SPAG16: variants seen among roughly 807,000 people sequenced by gnomAD.
SPAG16 encodes the protein sperm-associated antigen 16 protein.
In SPAG16, 86 loss-of-function variants were observed where a neutral mutation model predicts 80.4. That is an observed-to-expected ratio of 1.07 (90% CI 0.90 to 1.28). SPAG16 has a LOEUF of 1.28. Among genes scored for constraint, SPAG16 ranks in the 50% most tolerant of loss-of-function variants. SPAG16 has a pLI of 0.00. For synonymous variants in SPAG16, 294 were observed against 265.9 expected, an observed-to-expected ratio of 1.11 and a Z score of -1.03; for missense variants, 870 against 765.3, an observed-to-expected ratio of 1.14 and a Z score of -1.61.
rs918435300 is a variant in SPAG16, at chr2:213,598,637, T to G, written c.1070+108547T>G. ...CTTATGTTTTCTCTGTTGTCTCTAT[T>G]GTAATTTTTGTTCAGTGGAAATTAA... On this transcript the variant is annotated intron_variant, in intron 10 of 15. Coordinates refer to ENST00000331683, the MANE Select transcript of SPAG16 (RefSeq NM_024532.5). Among the ~76,000 whole-genome samples, 4 of 152,328 alleles carry G rather than the reference T, an allele frequency of 2.6e-5. No individual in the cohort carries two copies. The East Asian group carries it at 7.7e-4, about 29-fold the overall frequency.
intron 10 of SPAG16, among the ~76,000 whole-genome samples, chr2:213,641,092 C>CT (rs1473656393): frequency 6.6e-6 from 1 of 152,128 alleles, no homozygotes; most frequent in African/African-American, 2.4e-5. Context: ...ACCTCAGACT[C>CT]TCCTTGGGTG....
At chr2:214,377,763 G>T (rs900979352) in intron 15 of SPAG16, among the ~76,000 whole-genome samples, 7 of 152,106 alleles carry the variant, frequency 4.6e-5, no homozygotes, top group South Asian at 2.1e-4. Flanking sequence ...AGTGCTTATT[G>T]GTAGCAGACC....
chr2:213,337,635 C>A (rs537661465), intron 5 of SPAG16, among the ~76,000 whole-genome samples: 1 of 151,928 alleles, frequency 6.6e-6, no homozygotes, highest in Non-Finnish European at 1.5e-5. Context: ...AGCTTGAAGA[C>A]TATCTTGCTG....
At position 213,356,048 on chromosome 2, in the gene SPAG16, A is replaced by T. The variant is rs181581616; in HGVS notation, c.762+5403A>T. On this transcript the variant is annotated intron_variant, in intron 7 of 15. Transcript: ENST00000331683. ...TATTATTTTGAGGTATTTTCGATCA[A>T]TACCTAGTTTATTGAGAGATTTTAG... Among the ~76,000 whole-genome samples, 21 of 152,326 alleles carry T rather than the reference A, an allele frequency of 1.4e-4. No homozygotes were observed. In the East Asian group the frequency reaches 2.1e-3, roughly 15 times the overall value.
intron 10 of SPAG16, among the ~76,000 whole-genome samples, chr2:213,652,739 T>C (rs2063068572): frequency 2.0e-5 from 3 of 152,158 alleles, no homozygotes; most frequent in Admixed American, 6.5e-5. Flanking sequence ...TTCAGGATTC[T>C]TTAAATATTC....
At chr2:213,463,262 G>T (rs1355524684) in intron 9 of SPAG16, among the ~76,000 whole-genome samples, 2 of 152,238 alleles carry the variant, frequency 1.3e-5, no homozygotes, top group Non-Finnish European at 2.9e-5. Context: ...TGGAAAGTTT[G>T]CAGCCTGGCA....
intron 10 of SPAG16, among the ~76,000 whole-genome samples, chr2:213,553,697 G>A (rs959716271): frequency 6.6e-6 from 1 of 152,042 alleles, no homozygotes; most frequent in African/African-American, 2.4e-5. Flanking sequence ...ACTACAATAG[G>A]CGTGATCATG....
intron 10 of SPAG16, among the ~76,000 whole-genome samples, chr2:213,627,555 T>C (rs1462825582): frequency 2.0e-5 from 3 of 152,190 alleles, no homozygotes; most frequent in Non-Finnish European, 4.4e-5. Flanking sequence ...TTTAGTCCTA[T>C]TTTAGCAATT....
intron 14 of SPAG16, among the ~76,000 whole-genome samples, chr2:214,141,682 G>A (rs2055368367): frequency 6.6e-6 from 1 of 151,996 alleles, no homozygotes; most frequent in African/African-American, 2.4e-5. Context: ...TTTAGGTTGA[G>A]GTTTTTTCCC....
At chr2:213,488,009 T>G (rs2074061988) in intron 9 of SPAG16, among the ~76,000 whole-genome samples, 1 of 152,062 alleles carries the variant, frequency 6.6e-6, no homozygotes, top group Non-Finnish European at 1.5e-5. Context: ...GGCAATAATT[T>G]TTTCCATAGG....
chr2:213,331,489 A>G (rs1205038008), intron 5 of SPAG16, among the ~76,000 whole-genome samples: 1 of 152,240 alleles, frequency 6.6e-6, no homozygotes, highest in Non-Finnish European at 1.5e-5. Flanking sequence ...CAATACAGTA[A>G]TAGCTGGAGT....
At chr2:213,317,707 G>A (rs1375653182) in intron 5 of SPAG16, 13 of 989,248 alleles carry the variant, frequency 1.3e-5, no homozygotes, top group South Asian at 4.6e-5. Context: ...ATAGAAAGCC[G>A]AGAGGAAATT....
chr2:213,323,093 C>G (rs2063692124), intron 5 of SPAG16, among the ~76,000 whole-genome samples: 1 of 152,128 alleles, frequency 6.6e-6, no homozygotes, highest in African/African-American at 2.4e-5. Context: ...AAATCCAAAT[C>G]AAAAGTAAAC....
At chr2:214,122,831 T>A (rs1352008615) in intron 14 of SPAG16, among the ~76,000 whole-genome samples, 1 of 151,876 alleles carries the variant, frequency 6.6e-6, no homozygotes, top group Non-Finnish European at 1.5e-5. Flanking sequence ...GCAGGTTCTG[T>A]CTATCCAAGG....
chr2:213,386,952 A>G (rs1249062690), intron 9 of SPAG16, among the ~76,000 whole-genome samples: 1 of 152,232 alleles, frequency 6.6e-6, no homozygotes, highest in Non-Finnish European at 1.5e-5. Context: ...CTCATAAGTC[A>G]AAATTAAGAG....
intron 10 of SPAG16, among the ~76,000 whole-genome samples, chr2:213,610,851 G>T (rs1394073349): frequency 2.0e-5 from 3 of 152,140 alleles, no homozygotes; most frequent in African/African-American, 7.2e-5. Flanking sequence ...ACTATATTTT[G>T]CAAGAATCAA....
intron 15 of SPAG16, among the ~76,000 whole-genome samples, chr2:214,225,658 C>A (rs2058682722): frequency 6.6e-6 from 1 of 152,042 alleles, no homozygotes. Context: ...TCATTGACAT[C>A]AAACATCAAA....
chr2:213,520,358 G>A (rs923293684), intron 10 of SPAG16, among the ~76,000 whole-genome samples: 9 of 151,978 alleles, frequency 5.9e-5, no homozygotes, highest in East Asian at 5.8e-4. Context: ...AGGCTGAGGC[G>A]GGAAGATCAC....
chr2:214,105,004 C>T (rs558631177), intron 13 of SPAG16, among the ~76,000 whole-genome samples: 1 of 152,242 alleles, frequency 6.6e-6, no homozygotes, highest in South Asian at 2.1e-4. Context: ...CCGACATAAT[C>T]ACAGCTGAAC....
Sources: gnomAD v4.1 joint callset for allele counts (sites outside exome capture counted in the v4.1 genomes callset) on GRCh38, gnomAD v4.1.1 for gene constraint, MANE v1.5 for transcripts, NCBI Gene and HGNC (gene_info 2026-07-23, HGNC 2026-07-21) for gene names.